Variants in HSPBP1 observed in about 807,000 individuals in gnomAD.
HSPBP1 encodes the protein hsp70-binding protein 1.
A neutral mutation model predicts 41.7 loss-of-function variants in HSPBP1; 31 were observed. The observed-to-expected ratio is 0.74, with a 90% CI of 0.56 to 1.00. The LOEUF (loss-of-function observed/expected upper bound fraction) is 1.00, where lower values mean the gene tolerates loss of function less well. Among genes scored for constraint, HSPBP1 ranks in the 50% least tolerant of loss-of-function variants. The pLI is 0.00. For missense variants in HSPBP1, 439 were observed against 487.9 expected, an observed-to-expected ratio of 0.90 and a Z score of 0.94; for synonymous variants, 199 against 214.4, an observed-to-expected ratio of 0.93 and a Z score of 0.63.
At position 55,277,743 on chromosome 19, in the gene HSPBP1, G is replaced by C. The variant is rs780255577; in HGVS notation, c.314C>G (p.Pro105Arg). 2.5e-6 allele frequency: 4 copies of C among 1,608,170 alleles called. No individual in the cohort carries two copies. The highest frequency in any genetic ancestry group is 3.4e-6 in the Non-Finnish European group (4 of 1,177,716). The change falls in exon 3 of 8, where the codon CCC becomes CGC. Residue 105 changes from proline to arginine, a missense_variant. Transcript: ENST00000433386. ...SCLRVLSQPM[P>R]PTAGEAEQAA... ...CTGCTCGGCCTCCCCAGCAGTGGGG[G>C]GCATGGGCTGTGACAGCACTCGGAG... is the stretch of plus-strand genomic sequence containing the variant.
intron 7 of HSPBP1, 40 bp downstream of exon 7, chr19:55,265,238 G>A: frequency 7.7e-7 from 1 of 1,293,000 alleles, no homozygotes; most frequent in Non-Finnish European, 1.1e-6. Context: ...CCTCCCCCTT[G>A]CACCTGGTCC....
rs116815599 is a variant in HSPBP1 at position 55,277,518 on chromosome 19, C to A, written c.415+124G>T. 2,085 of 988,846 alleles carry A rather than the reference C, an allele frequency of 2.1e-3. 38 individuals carry two copies. The African/African-American group carries it at 0.03, about 14-fold the overall frequency. 61.3% of individuals were successfully genotyped at this position (988,846 alleles called of 1,614,324 possible). On this transcript the variant is annotated intron_variant, in intron 3 of 7. Coordinates refer to ENST00000433386, the MANE Select transcript of HSPBP1 (RefSeq NM_012267.5). ...TGCTCCTTATGGCAATGGAGGCGAA[C>A]AGGCTGATGGTGAGAAGGCAGCAGG...
rs1043735308 is a variant in HSPBP1, at chr19:55,268,909, G to A, written c.641-2623C>T. 6.6e-6 allele frequency among the ~76,000 whole-genome samples: 1 copy of A among 152,096 alleles called. No homozygotes were observed. The highest frequency in any genetic ancestry group is 1.5e-5 in the Non-Finnish European group (1 of 68,020). ...TGGTCTTGAGCTCCTGGCTTCAAGT[G>A]ATCCACCTGTCTCGGCCTCCCAAAA... On this transcript the variant is annotated intron_variant, in intron 4 of 7. Coordinates refer to ENST00000433386, the MANE Select transcript of HSPBP1 (RefSeq NM_012267.5). The surrounding 1 kb of genome is among the most constrained non-coding windows in gnomAD (Gnocchi z 4.5).
chr19:55,270,781 A>G lies in HSPBP1; in HGVS notation c.640+3617T>C, dbSNP rs2087903847. Among the ~76,000 whole-genome samples, 1 of 151,180 alleles carries G rather than the reference A, an allele frequency of 6.6e-6. No individual in the cohort carries two copies. ...CACGCCATGCACATCCACACACCAC[A>G]CATACGCACCACACATACACACCTC... On this transcript the variant is annotated intron_variant, in intron 4 of 7. Transcript: ENST00000433386. The surrounding 1 kb of genome is among the most constrained non-coding windows in gnomAD (Gnocchi z 5.4).
intron 3 of HSPBP1, among the ~76,000 whole-genome samples, chr19:55,274,929 C>T (rs937774704): frequency 1.3e-5 from 2 of 152,164 alleles, no homozygotes; most frequent in Non-Finnish European, 2.9e-5. Flanking sequence ...ACCAGCCCTG[C>T]CCACACCCTG....
rs756969293 is a variant in HSPBP1 at position 55,274,510 on chromosome 19, C to T, written c.528G>A (p.Val176=). Residue 176 remains valine (V), a synonymous_variant, in exon 4 of 8, where the codon GTG becomes GTA. Coordinates refer to ENST00000433386, the MANE Select transcript of HSPBP1 (RefSeq NM_012267.5). ...AQLIGTCSQN[V]AAIQEQVLGL... is the part of the protein sequence containing the mutation. ...CCAGCACCTGCTCCTGGATGGCTGC[C>T]ACGTTCTGACTGCACGTGCCGATGA... is the stretch of plus-strand genomic sequence containing the variant. 1.5e-5 allele frequency: 24 copies of T among 1,602,348 alleles called. No homozygotes were observed. Among genetic ancestry groups the T allele is most frequent in the Non-Finnish European group, 1.4e-5 (16 of 1,176,802 alleles).
chr19:55,274,345 G>GACCCCCCCCCCCCCCCCCCCCC, intron 4 of HSPBP1, 53 bp downstream of exon 4: 1 of 552,678 alleles, frequency 1.8e-6, no homozygotes, highest in Non-Finnish European at 3.1e-6. Flanking sequence ...GGCCCACCCG[G>GACCCCCCCCCCCCCCCCCCCCC]CACCCCCCCC....
At chr19:55,265,528 T>A in intron 6 of HSPBP1, 139 bp from the exon 7 acceptor site, 1 of 724,420 alleles carries the variant, frequency 1.4e-6, no homozygotes, top group Non-Finnish European at 2.4e-6. Flanking sequence ...TTTCCCCATC[T>A]GCGGAATGGA....
chr19:55,273,434 A>G (rs2087977562), intron 4 of HSPBP1, among the ~76,000 whole-genome samples: 1 of 152,222 alleles, frequency 6.6e-6, no homozygotes, highest in Admixed American at 6.5e-5. Context: ...GCACATACGA[A>G]GAGCTCCACC....
At chr19:55,269,510 C>T (rs1449016081) in intron 4 of HSPBP1, among the ~76,000 whole-genome samples, 1 of 152,172 alleles carries the variant, frequency 6.6e-6, no homozygotes, top group African/African-American at 2.4e-5. Context: ...CTGCAGCCCA[C>T]ACATCTCCCT....
intron 3 of HSPBP1, among the ~76,000 whole-genome samples, chr19:55,276,927 T>C (rs1279657105): frequency 6.6e-6 from 1 of 152,054 alleles, no homozygotes; most frequent in East Asian, 1.9e-4. Context: ...CGGCCCAGCC[T>C]GCGTACAAGA....
intron 6 of HSPBP1, 144 bp from the exon 7 acceptor site, chr19:55,265,533 A>C: frequency 2.8e-6 from 2 of 713,050 alleles, no homozygotes; most frequent in East Asian, 5.4e-5. Context: ...CCATCTGCGG[A>C]ATGGACCTCA....
chr19:55,263,978 T>TC (rs1568957999), intron 7 of HSPBP1, among the ~76,000 whole-genome samples: 1 of 150,888 alleles, frequency 6.6e-6, no homozygotes, highest in East Asian at 1.9e-4. Context: ...TTTTTTTTTT[T>TC]TTTTTTTTGA....
At chr19:55,275,941 C>T (rs1250041671) in intron 3 of HSPBP1, among the ~76,000 whole-genome samples, 1 of 141,752 alleles carries the variant, frequency 7.1e-6, no homozygotes, top group Non-Finnish European at 1.5e-5. Flanking sequence ...GGGTGAGACT[C>T]TGTCTCAGAA....
intron 3 of HSPBP1, among the ~76,000 whole-genome samples, chr19:55,276,588 A>G (rs1165725514): frequency 3.9e-5 from 6 of 152,180 alleles, no homozygotes; most frequent in African/African-American, 1.4e-4. Context: ...TGATGATTGG[A>G]CACTCAGCAC....
chr19:55,262,722 A>T (rs1410110470), intron 7 of HSPBP1, 40 bp from the exon 8 acceptor site: 1 of 1,581,774 alleles, frequency 6.3e-7, no homozygotes, highest in Non-Finnish European at 8.6e-7. Flanking sequence ...GCCTGAGTGC[A>T]GAGGCCGGAC....
At chr19:55,265,157 C>T in intron 7 of HSPBP1, 121 bp downstream of exon 7, 2 of 510,966 alleles carry the variant, frequency 3.9e-6, no homozygotes, top group Admixed American at 2.9e-5. Flanking sequence ...CCTGTCCCCT[C>T]CCCCTGGCAC....
At chr19:55,278,057 G>A (rs1220442146) in intron 2 of HSPBP1, among the ~76,000 whole-genome samples, 1 of 152,142 alleles carries the variant, frequency 6.6e-6, no homozygotes, top group Non-Finnish European at 1.5e-5. Flanking sequence ...GACCAGCCTG[G>A]GCAACATGGT....
chr19:55,265,977 G>C lies in HSPBP1; in HGVS notation c.802C>G (p.Leu268Val). The stretch of plus-strand genomic sequence containing the variant: ...TGCTGGACCATCCCCATGGAGCACA[G>C]GGTCCCTGGGGGGAGGGCTGCAGGG... ...LVGHPEHKGT[L>V]CSMGMVQQLV... Residue 268 changes from leucine (L) to valine (V), a missense_variant, in exon 6 of 8, where the codon CTG becomes GTG. Leu to Val is a conservative substitution (Grantham distance 32). Transcript: ENST00000433386. 1 of 1,599,090 alleles carries C rather than the reference G, an allele frequency of 6.3e-7. No individual in the cohort carries two copies. Among genetic ancestry groups the C allele is most frequent in the South Asian group, 1.1e-5 (1 of 88,584 alleles).
Sources: gnomAD v4.1 joint callset for allele counts (sites outside exome capture counted in the v4.1 genomes callset) on GRCh38, gnomAD v4.1.1 for gene constraint, Gnocchi (gnomAD v3.1) non-coding constraint, MANE v1.5 for transcripts, NCBI Gene and HGNC (gene_info 2026-07-23, HGNC 2026-07-21) for gene names.